Variants in PLD5 observed in about 807,000 individuals in gnomAD.
The protein encoded by PLD5 is phospholipase D family member 5.
In PLD5, 36 loss-of-function variants were observed where a neutral mutation model predicts 61.1. The observed-to-expected ratio is 0.59, with a 90% CI of 0.45 to 0.78. PLD5 has a LOEUF of 0.78. Ranked by LOEUF, PLD5 falls within the 30% of genes least tolerant of loss-of-function variation. The probability of loss-of-function intolerance (pLI) is 0.00; values close to 1 mark genes in which losing one functional copy is unlikely to be tolerated. For synonymous variants in PLD5, 243 were observed against 242.8 expected, an observed-to-expected ratio of 1.00 and a Z score of -0.01; for missense variants, 515 against 644.4, an observed-to-expected ratio of 0.80 and a Z score of 2.17.
chr1:242,380,270 T>C (rs1314789832), intron 1 of PLD5, among the ~76,000 whole-genome samples: 4 of 152,214 alleles, frequency 2.6e-5, no homozygotes, highest in Non-Finnish European at 5.9e-5. Context: ...AACAATGTGC[T>C]CTTTTCTGCC....
chr1:242,352,075 A>G (rs879303030), intron 1 of PLD5, among the ~76,000 whole-genome samples: 2 of 152,180 alleles, frequency 1.3e-5, no homozygotes, highest in Non-Finnish European at 2.9e-5. Context: ...CATTGGAGCT[A>G]TACTCTCTTA....
chr1:242,250,636 A>G, intron 4 of PLD5, among the ~76,000 whole-genome samples: 1 of 152,210 alleles, frequency 6.6e-6, no homozygotes, highest in African/African-American at 2.4e-5. Context: ...TGTTTGATGT[A>G]CTAGTTATGT....
intron 1 of PLD5, among the ~76,000 whole-genome samples, chr1:242,438,439 C>CTTT (rs1171422837): frequency 8.3e-6 from 1 of 120,500 alleles, no homozygotes; most frequent in East Asian, 2.7e-4. Context: ...AATTTTTTTT[C>CTTT]TTTTTTTTTT....
intron 2 of PLD5, among the ~76,000 whole-genome samples, chr1:242,293,434 C>T: frequency 6.6e-6 from 1 of 152,120 alleles, no homozygotes; most frequent in Non-Finnish European, 1.5e-5. Context: ...GTTCACATAA[C>T]TTTTATTATA....
At chr1:242,345,129 T>C (rs1324828722) in intron 2 of PLD5, among the ~76,000 whole-genome samples, 1 of 152,166 alleles carries the variant, frequency 6.6e-6, no homozygotes, top group Non-Finnish European at 1.5e-5. Flanking sequence ...GAGATTTGAA[T>C]GGGGCACAGC....
At chr1:242,501,529 T>A (rs545471880) in intron 1 of PLD5, among the ~76,000 whole-genome samples, 2 of 152,348 alleles carry the variant, frequency 1.3e-5, no homozygotes, top group African/African-American at 4.8e-5. Flanking sequence ...TTCATTGACA[T>A]GAGCACTGTA....
chr1:242,367,712 T>C (rs114652566), intron 1 of PLD5, among the ~76,000 whole-genome samples: 2,626 of 151,830 alleles, frequency 0.017, 74 homozygotes, highest in African/African-American at 0.061. Flanking sequence ...AAAGCCAAAA[T>C]CACGAAAGAG....
chr1:242,162,608 G>GTGAT (rs1231817531), intron 5 of PLD5, among the ~76,000 whole-genome samples: 1 of 152,000 alleles, frequency 6.6e-6, no homozygotes, highest in African/African-American at 2.4e-5. Context: ...TGAGATCTTA[G>GTGAT]TGATTGTCTA....
rs533462467 is a variant in PLD5, at chr1:242,472,117, T to C, written c.189+51971A>G. Reference sequence around the variant, plus strand: ...GTGGAAAAAGAAAGCACTGCTGATTTGTTCATGGAAGGGCAGGTGTTTGCA... The same window carrying C: ...GTGGAAAAAGAAAGCACTGCTGATTCGTTCATGGAAGGGCAGGTGTTTGCA... On this transcript the variant is annotated intron_variant, in intron 1 of 9. Coordinates refer to ENST00000536534, the MANE Select transcript of PLD5 (RefSeq NM_001372062.1). 3.3e-5 allele frequency among the ~76,000 whole-genome samples: 5 copies of C among 152,336 alleles called. No homozygotes were observed. In the East Asian group the frequency reaches 9.6e-4, roughly 29 times the overall value.
intron 4 of PLD5, among the ~76,000 whole-genome samples, chr1:242,240,575 T>C (rs1337009263): frequency 6.6e-6 from 1 of 152,256 alleles, no homozygotes; most frequent in East Asian, 1.9e-4. Context: ...AGATACATGG[T>C]TCTGCAAAAA....
chr1:242,394,881 T>C (rs1178127653), intron 1 of PLD5, among the ~76,000 whole-genome samples: 1 of 102,890 alleles, frequency 9.7e-6, no homozygotes, highest in Non-Finnish European at 1.9e-5. Flanking sequence ...TATATATGAA[T>C]ATATGTATAT....
At chr1:242,203,311 T>C (rs1574506216) in intron 5 of PLD5, among the ~76,000 whole-genome samples, 1 of 152,294 alleles carries the variant, frequency 6.6e-6, no homozygotes, top group Middle Eastern at 3.4e-3. Flanking sequence ...CTTCCTTCCC[T>C]TTTTTCCGCC....
At chr1:242,253,889 T>C (rs1332721217) in intron 4 of PLD5, among the ~76,000 whole-genome samples, 1 of 152,230 alleles carries the variant, frequency 6.6e-6, no homozygotes, top group Non-Finnish European at 1.5e-5. Context: ...AGATGAACCC[T>C]TGTGAAAGTT....
chr1:242,399,753 G>A (rs1343225043), intron 1 of PLD5, among the ~76,000 whole-genome samples: 1 of 152,048 alleles, frequency 6.6e-6, no homozygotes, highest in African/African-American at 2.4e-5. Context: ...GGTGAGTGAC[G>A]GCCAGCCAGC....
At chr1:242,235,913 T>C (rs1346941296) in intron 4 of PLD5, 2 of 152,208 alleles carry the variant, frequency 1.3e-5, no homozygotes, top group Non-Finnish European at 2.9e-5. Flanking sequence ...TCCCTGTTAA[T>C]TCATTTGCCT....
At position 242,422,657 on chromosome 1, in the gene PLD5, T is replaced by C. The variant is rs372529601; in HGVS notation, c.190-74415A>G. Among the ~76,000 whole-genome samples, 3 of 152,302 alleles carry C rather than the reference T, an allele frequency of 2.0e-5. No individual in the cohort carries two copies. In the East Asian group the frequency reaches 5.8e-4, roughly 29 times the overall value. ...CAGATAACAACAGAATCTGGACACC[T>C]GGCGTCCACAAAACGGGACTGAGAA... On this transcript the variant is annotated intron_variant, in intron 1 of 9. Coordinates refer to ENST00000536534, the MANE Select transcript of PLD5 (RefSeq NM_001372062.1).
intron 5 of PLD5, among the ~76,000 whole-genome samples, chr1:242,147,336 A>C (rs1165326108): frequency 6.6e-6 from 1 of 152,168 alleles, no homozygotes. Flanking sequence ...TGTTGTGCAA[A>C]ACAGTAGTTT....
At chr1:242,441,822 T>G (rs531884695) in intron 1 of PLD5, among the ~76,000 whole-genome samples, 1 of 152,174 alleles carries the variant, frequency 6.6e-6, no homozygotes, top group Non-Finnish European at 1.5e-5. Flanking sequence ...TCTGCCAAAG[T>G]TGAAGCATCA....
At chr1:242,221,249 A>C (rs1373153720) in intron 4 of PLD5, among the ~76,000 whole-genome samples, 1 of 152,236 alleles carries the variant, frequency 6.6e-6, no homozygotes, top group African/African-American at 2.4e-5. Flanking sequence ...CATTCAATGC[A>C]AGGGTATTTA....
Sources: gnomAD v4.1 joint callset for allele counts (sites outside exome capture counted in the v4.1 genomes callset) on GRCh38, gnomAD v4.1.1 for gene constraint, MANE v1.5 for transcripts, NCBI Gene and HGNC (gene_info 2026-07-23, HGNC 2026-07-21) for gene names.